Variants in ADAMTSL1 observed in about 807,000 individuals in gnomAD.
ADAMTSL1 encodes ADAMTS like 1.
ADAMTSL1 carries 126 observed loss-of-function variants against 201.8 expected under a neutral mutation model. The ratio of observed to expected loss-of-function variants is 0.62; its 90% confidence interval spans 0.54 to 0.72. ADAMTSL1 has a LOEUF of 0.72. Among genes scored for constraint, ADAMTSL1 ranks in the 30% least tolerant of loss-of-function variants. The pLI, the probability that ADAMTSL1 is intolerant of heterozygous loss-of-function variation, is 0.00. For synonymous variants in ADAMTSL1, 1,121 were observed against 903.4 expected, an observed-to-expected ratio of 1.24 and a Z score of -4.32; for missense variants, 2,679 against 2,277.8, an observed-to-expected ratio of 1.18 and a Z score of -3.59.
intron 2 of ADAMTSL1, among the ~76,000 whole-genome samples, chr9:18,241,643 CA>C (rs1463369919): frequency 6.6e-6 from 1 of 151,458 alleles, no homozygotes; most frequent in African/African-American, 2.4e-5. Context: ...CTAGTCTAAA[CA>C]AAAAGGAAAA....
rs143326607 is a variant in ADAMTSL1 at position 18,061,578 on chromosome 9, C to T, written c.88-102284C>T. On this transcript the variant is annotated intron_variant, in intron 1 of 29. Transcript: ENST00000680146. ...CATGTGGACTGGACCTAGGCTCTAA[C>T]AGCTGTATGTGAAAAAGTCTTGTTT... Among the ~76,000 whole-genome samples the T allele has an allele frequency of 2.1e-3, 324 of 152,248 alleles. 3 individuals carry two copies. Among genetic ancestry groups the T allele is most frequent in the African/African-American group, 7.3e-3 (304 of 41,568 alleles).
At chr9:18,579,504 AAAT>A (rs1289936254) in intron 4 of ADAMTSL1, among the ~76,000 whole-genome samples, 2 of 150,704 alleles carry the variant, frequency 1.3e-5, no homozygotes, top group African/African-American at 2.4e-5. Context: ...ATTAAAAAAT[AAAT>A]AAATAAAAAA....
chr9:18,570,269 G>A (rs1156712466), intron 3 of ADAMTSL1, among the ~76,000 whole-genome samples: 1 of 150,878 alleles, frequency 6.6e-6, no homozygotes, highest in Non-Finnish European at 1.5e-5. Flanking sequence ...GGATCAGGAA[G>A]TATAATGGTT....
At chr9:18,036,185 A>G (rs1196178477) in intron 1 of ADAMTSL1, among the ~76,000 whole-genome samples, 1 of 152,202 alleles carries the variant, frequency 6.6e-6, no homozygotes, top group East Asian at 1.9e-4. Context: ...TTAAAGCATT[A>G]CTGGTTGAAG....
chr9:18,493,917 G>A (rs571673230), intron 1 of ADAMTSL1, among the ~76,000 whole-genome samples: 86 of 152,276 alleles, frequency 5.6e-4, no homozygotes, highest in South Asian at 4.8e-3. Context: ...AAGGCACTGC[G>A]CATATTCAGA....
At chr9:18,142,038 G>C (rs1826421662) in intron 1 of ADAMTSL1, among the ~76,000 whole-genome samples, 1 of 152,214 alleles carries the variant, frequency 6.6e-6, no homozygotes, top group Non-Finnish European at 1.5e-5. Context: ...CAGTAAGTGA[G>C]AGTTCTTGTC....
intron 1 of ADAMTSL1, among the ~76,000 whole-genome samples, chr9:18,012,933 G>A (rs981004257): frequency 4.0e-5 from 6 of 151,852 alleles, no homozygotes; most frequent in East Asian, 1.9e-4. Flanking sequence ...ACTTGGAATC[G>A]AATCCAAGAT....
Position 18,048,592 on chromosome 9 carries a change from T to A in ADAMTSL1, c.88-115270T>A, listed in dbSNP as rs78088946. ...AAATTGGGTGTGAGATATATGGGGA[T>A]TCTCTGTACTATCTTGGTAATTTTT... On this transcript the variant is annotated intron_variant, in intron 1 of 29. Transcript: ENST00000680146. Among the ~76,000 whole-genome samples, 31 of 152,336 alleles carry A rather than the reference T, an allele frequency of 2.0e-4. No homozygotes were observed. In the East Asian group the frequency reaches 6.0e-3, roughly 29 times the overall value.
chr9:18,699,756 G>T (rs184783946), intron 13 of ADAMTSL1, among the ~76,000 whole-genome samples: 2 of 152,226 alleles, frequency 1.3e-5, no homozygotes, highest in East Asian at 3.9e-4. Flanking sequence ...ATTATCATTT[G>T]TTTTATTTTA....
intron 2 of ADAMTSL1, among the ~76,000 whole-genome samples, chr9:18,344,360 T>C (rs912794342): frequency 1.3e-5 from 2 of 152,166 alleles, no homozygotes; most frequent in African/African-American, 4.8e-5. Flanking sequence ...TCTCGTTATG[T>C]TGTCCAGGCT....
At chr9:17,978,507 A>G (rs1482795166) in intron 1 of ADAMTSL1, among the ~76,000 whole-genome samples, 2 of 152,016 alleles carry the variant, frequency 1.3e-5, no homozygotes, top group Non-Finnish European at 2.9e-5. Context: ...AAAACATCTT[A>G]CAGTTGTAAC....
At chr9:17,918,979 A>G (rs1276492167) in intron 1 of ADAMTSL1, among the ~76,000 whole-genome samples, 1 of 151,892 alleles carries the variant, frequency 6.6e-6, no homozygotes, top group Non-Finnish European at 1.5e-5. Context: ...GCCTTTGGCT[A>G]TATTAATATT....
chr9:18,030,290 C>T (rs968528938), intron 1 of ADAMTSL1, among the ~76,000 whole-genome samples: 7 of 152,014 alleles, frequency 4.6e-5, no homozygotes, highest in East Asian at 3.9e-4. Context: ...AGCAAACTAT[C>T]GCAAGGACAA....
chr9:18,310,278 C>T (rs1834078225), intron 2 of ADAMTSL1, among the ~76,000 whole-genome samples: 1 of 141,298 alleles, frequency 7.1e-6, no homozygotes, highest in Admixed American at 7.4e-5. Flanking sequence ...TAGGCATGGG[C>T]AAACACTTCA....
chr9:18,468,276 A>C (rs1219770656), intron 2 of ADAMTSL1, among the ~76,000 whole-genome samples: 3 of 152,136 alleles, frequency 2.0e-5, no homozygotes, highest in Non-Finnish European at 4.4e-5. Context: ...GAACAAGTCT[A>C]TCCTCCCGGT....
intron 1 of ADAMTSL1, among the ~76,000 whole-genome samples, chr9:18,125,577 G>C (rs1286746928): frequency 6.6e-6 from 1 of 152,044 alleles, no homozygotes; most frequent in Non-Finnish European, 1.5e-5. Flanking sequence ...TTAGATCTGT[G>C]ATCCATTTTG....
chr9:18,892,360 G>A (rs1480561700), intron 25 of ADAMTSL1, 29 bp from the exon 26 acceptor site: 2 of 1,596,954 alleles, frequency 1.3e-6, no homozygotes, highest in East Asian at 2.3e-5. Flanking sequence ...TCCCTTTAGG[G>A]CTCTCCTGAC....
Position 18,770,707 on chromosome 9 carries a change from T to C in ADAMTSL1, c.2323T>C (p.Ser775Pro). 6.2e-7 allele frequency: 1 copy of C among 1,613,776 alleles called. No individual in the cohort carries two copies. The highest frequency in any genetic ancestry group is 1.1e-5 in the South Asian group (1 of 91,028). The change falls in exon 17 of 29, where the codon TCA becomes CCA. Residue 775 changes from serine (S) to proline (P), a missense_variant. Coordinates refer to ENST00000380548, the MANE Select transcript of ADAMTSL1 (RefSeq NM_001040272.6). Reference sequence around the variant, plus strand: ...GCTTCCTGAGACCTTCTGTTCAGCTTCAAAACCTGCCTGCCAGCAAGCATG... The same window carrying C: ...GCTTCCTGAGACCTTCTGTTCAGCTCCAAAACCTGCCTGCCAGCAAGCATG... ...LELPETFCSA[S>P]KPACQQACKK...
At chr9:18,504,995 G>C (rs1186529522) in intron 2 of ADAMTSL1, 39 bp downstream of exon 2, 1 of 1,577,964 alleles carries the variant, frequency 6.3e-7, no homozygotes. Flanking sequence ...GTGAGAACCA[G>C]AGGTAGCCGG....
Sources: gnomAD v4.1 joint callset for allele counts (sites outside exome capture counted in the v4.1 genomes callset) on GRCh38, gnomAD v4.1.1 for gene constraint, MANE v1.5 for transcripts, NCBI Gene and HGNC (gene_info 2026-07-23, HGNC 2026-07-21) for gene names.